PTPRK: variants seen among roughly 807,000 people sequenced by gnomAD.
PTPRK encodes the protein receptor-type tyrosine-protein phosphatase kappa.
PTPRK carries 75 observed loss-of-function variants against 178.0 expected under a neutral mutation model. That is an observed-to-expected ratio of 0.42 (90% CI 0.35 to 0.51). The LOEUF (loss-of-function observed/expected upper bound fraction) is 0.51, where lower values mean the gene tolerates loss of function less well. Ranked by LOEUF, PTPRK falls within the 20% of genes least tolerant of loss-of-function variation. The probability of loss-of-function intolerance (pLI) is 0.02; values close to 1 mark genes in which losing one functional copy is unlikely to be tolerated. For missense variants in PTPRK, 1,441 were observed against 1,797.8 expected (o/e 0.80, Z 3.59); for synonymous variants, 637 against 620.6 (o/e 1.03, Z -0.39).
chr6:128,231,334 T>C (rs887269475), intron 5 of PTPRK, among the ~76,000 whole-genome samples: 1 of 152,204 alleles, frequency 6.6e-6, no homozygotes, highest in Admixed American at 6.5e-5. Context: ...TGGATCAGAA[T>C]TAACTGTAAA....
intron 7 of PTPRK, among the ~76,000 whole-genome samples, chr6:128,095,328 C>G (rs559274525): frequency 6.6e-6 from 1 of 152,160 alleles, no homozygotes; most frequent in Non-Finnish European, 1.5e-5. Flanking sequence ...TTTAGAAACA[C>G]CATGATGTCA....
intron 7 of PTPRK, among the ~76,000 whole-genome samples, chr6:128,107,664 A>G (rs2114311088): frequency 6.6e-6 from 1 of 152,374 alleles, no homozygotes; most frequent in East Asian, 1.9e-4. Context: ...TAAGTTACAT[A>G]CATACTATGT....
intron 1 of PTPRK, among the ~76,000 whole-genome samples, chr6:128,497,181 G>A (rs1854803201): frequency 1.3e-5 from 2 of 152,122 alleles, no homozygotes; most frequent in Non-Finnish European, 2.9e-5. Context: ...AAACATGTAT[G>A]TTCCAGTCAG....
chr6:128,398,791 T>C (rs1840668858), intron 1 of PTPRK, among the ~76,000 whole-genome samples: 4 of 152,188 alleles, frequency 2.6e-5, no homozygotes, highest in Admixed American at 1.3e-4. Context: ...CTTTCACCGT[T>C]CCCACTTTAT....
intron 13 of PTPRK, among the ~76,000 whole-genome samples, chr6:128,050,157 G>C (rs143426304): frequency 2.0e-5 from 3 of 151,800 alleles, no homozygotes; most frequent in Non-Finnish European, 2.9e-5. Context: ...AAAATAGATA[G>C]AGCAAATCAA....
intron 7 of PTPRK, among the ~76,000 whole-genome samples, chr6:128,096,672 G>T (rs1582989301): frequency 6.6e-6 from 1 of 152,124 alleles, no homozygotes. Context: ...AACTAAGAAC[G>T]CTGAAGCATG....
At chr6:128,185,609 C>T (rs1309324628) in intron 6 of PTPRK, among the ~76,000 whole-genome samples, 1 of 152,056 alleles carries the variant, frequency 6.6e-6, no homozygotes, top group Non-Finnish European at 1.5e-5. Context: ...TCACTTTTCT[C>T]AGGAAAGTCA....
intron 3 of PTPRK, among the ~76,000 whole-genome samples, chr6:128,252,605 G>A (rs1392346569): frequency 6.6e-6 from 1 of 152,038 alleles, no homozygotes; most frequent in African/African-American, 2.4e-5. Context: ...TGGCTCTGGG[G>A]GTAGAAGGGA....
intron 21 of PTPRK, among the ~76,000 whole-genome samples, chr6:127,987,591 T>C (rs1177168147): frequency 6.6e-6 from 1 of 152,130 alleles, no homozygotes; most frequent in African/African-American, 2.4e-5. Context: ...AAATAAATGT[T>C]TATACATCCC....
chr6:128,167,833 C>G (rs547898728), intron 7 of PTPRK, among the ~76,000 whole-genome samples: 2 of 152,014 alleles, frequency 1.3e-5, no homozygotes, highest in Admixed American at 1.3e-4. Context: ...ACTTACATGC[C>G]TTCCTCAAAT....
intron 6 of PTPRK, among the ~76,000 whole-genome samples, chr6:128,214,542 T>C (rs757371349): frequency 7.2e-6 from 1 of 138,804 alleles, no homozygotes; most frequent in Admixed American, 7.1e-5. Context: ...TAACCAGTGA[T>C]GCATTATTAT....
Position 128,162,050 on chromosome 6 carries a change from C to T in PTPRK, c.1162+22382G>A, listed in dbSNP as rs1427690780. Reference sequence around the variant, plus strand: ...TAACTTCCAGACAATTTAGAGCTTACAAGGTTAACATCAGCACTACAAAAA... The same window carrying T: ...TAACTTCCAGACAATTTAGAGCTTATAAGGTTAACATCAGCACTACAAAAA... On this transcript the variant is annotated intron_variant, in intron 7 of 29. Transcript: ENST00000368226. Among the ~76,000 whole-genome samples the T allele has an allele frequency of 3.3e-5, 5 of 151,572 alleles. No homozygotes were observed. The South Asian group carries it at 6.2e-4, about 19-fold the overall frequency.
chr6:128,394,009 C>T (rs1839965799), intron 2 of PTPRK, among the ~76,000 whole-genome samples: 1 of 152,146 alleles, frequency 6.6e-6, no homozygotes, highest in African/African-American at 2.4e-5. Context: ...CTGACAAGCA[C>T]TAACCATCAT....
At chr6:128,050,539 C>T (rs991944117) in intron 13 of PTPRK, among the ~76,000 whole-genome samples, 4 of 152,162 alleles carry the variant, frequency 2.6e-5, no homozygotes, top group African/African-American at 9.7e-5. Flanking sequence ...TATCTCTTCT[C>T]TTGCATCATA....
intron 1 of PTPRK, among the ~76,000 whole-genome samples, chr6:128,498,424 C>T (rs1855047301): frequency 6.6e-6 from 1 of 152,212 alleles, no homozygotes; most frequent in African/African-American, 2.4e-5. Flanking sequence ...TTACTCAGTT[C>T]AATAAACAGC....
intron 7 of PTPRK, among the ~76,000 whole-genome samples, chr6:128,090,680 T>C (rs559752153): frequency 6.6e-6 from 1 of 152,186 alleles, no homozygotes; most frequent in South Asian, 2.1e-4. Context: ...AACTGGAAAA[T>C]ACTGGCAGAA....
chr6:128,006,005 C>T, intron 14 of PTPRK: 2 of 1,530,590 alleles, frequency 1.3e-6, no homozygotes, highest in South Asian at 1.2e-5. Flanking sequence ...TAAAGTTGTA[C>T]ATCACCCATT....
intron 7 of PTPRK, among the ~76,000 whole-genome samples, chr6:128,141,762 T>C (rs1162992793): frequency 1.3e-5 from 2 of 151,950 alleles, no homozygotes; most frequent in Non-Finnish European, 2.9e-5. Flanking sequence ...TTGTTCCATT[T>C]CCTCTTGGGC....
intron 7 of PTPRK, among the ~76,000 whole-genome samples, chr6:128,149,056 G>A (rs1321071548): frequency 6.6e-6 from 1 of 151,382 alleles, no homozygotes; most frequent in South Asian, 2.1e-4. Context: ...AGAGAACCAT[G>A]AACCAAATCA....
Sources: allele counts gnomAD v4.1 joint callset (sites outside exome capture counted in the v4.1 genomes callset), GRCh38; gene constraint gnomAD v4.1.1; transcripts MANE v1.5; gene names NCBI Gene and HGNC (gene_info 2026-07-23, HGNC 2026-07-21).